TRHDE: variants seen among roughly 807,000 people sequenced by gnomAD.
TRHDE encodes thyrotropin-releasing hormone-degrading ectoenzyme.
A neutral mutation model predicts 125.7 loss-of-function variants in TRHDE; 72 were observed. That is an observed-to-expected ratio of 0.57 (90% CI 0.47 to 0.70). The LOEUF is 0.70. Ranked by LOEUF, TRHDE falls within the 30% of genes least tolerant of loss-of-function variation. TRHDE has a pLI of 0.00. For missense variants in TRHDE, 1,110 were observed against 1,327.1 expected (o/e 0.84, Z 2.54); for synonymous variants, 509 against 509.1 (o/e 1.00, Z 0.00).
At chr12:72,543,573 T>C (rs1387443798) in intron 7 of TRHDE, among the ~76,000 whole-genome samples, 1 of 151,312 alleles carries the variant, frequency 6.6e-6, no homozygotes, top group Non-Finnish European at 1.5e-5. Context: ...TTTATCCCCA[T>C]TCCTTTGTTT....
intron 2 of TRHDE, among the ~76,000 whole-genome samples, chr12:72,184,959 C>A (rs554787704): frequency 6.6e-5 from 10 of 152,062 alleles, no homozygotes; most frequent in Admixed American, 2.6e-4. Context: ...GCCCTTCAGC[C>A]CCCCCACTGC....
chr12:72,619,336 T>C (rs1180216572), intron 13 of TRHDE, among the ~76,000 whole-genome samples: 1 of 152,202 alleles, frequency 6.6e-6, no homozygotes, highest in Non-Finnish European at 1.5e-5. Flanking sequence ...GAGGGCTCTG[T>C]GTTCACAAAG....
At position 72,670,445 on chromosome 12, in the gene TRHDE, A is replaced by G. The variant is rs1257604563; in HGVS notation, c.*7250A>G. 2.6e-5 allele frequency: 4 copies of G among 151,738 alleles called. No homozygotes were observed. Among genetic ancestry groups the G allele is most frequent in the Admixed American group, 1.3e-4 (2 of 15,188 alleles). The allele number at this position is 151,738 out of a possible 1,614,324, so 9.4% of individuals were successfully genotyped here. On this transcript the variant is annotated 3_prime_UTR_variant, in exon 19 of 19. Transcript: ENST00000261180. Reference sequence around the variant, plus strand: ...AAAAATATGAATTCTGCCTCTGATAATCAAATTTTGTACAGCAATGTGTAA... The same window carrying G: ...AAAAATATGAATTCTGCCTCTGATAGTCAAATTTTGTACAGCAATGTGTAA...
intron 15 of TRHDE, among the ~76,000 whole-genome samples, chr12:72,629,423 T>G (rs544427433): frequency 1.3e-5 from 2 of 151,838 alleles, no homozygotes; most frequent in South Asian, 2.1e-4. Flanking sequence ...TAGTATTGTT[T>G]GCCTAAAATT....
intron 1 of TRHDE, among the ~76,000 whole-genome samples, chr12:72,100,882 C>T (rs1303035447): frequency 1.3e-5 from 2 of 152,162 alleles, no homozygotes; most frequent in Non-Finnish European, 2.9e-5. Flanking sequence ...TTAACAAGAT[C>T]CCTCATACTT....
chr12:72,373,790 T>C (rs1033185333), intron 2 of TRHDE, among the ~76,000 whole-genome samples: 2 of 152,070 alleles, frequency 1.3e-5, no homozygotes, highest in African/African-American at 4.8e-5. Flanking sequence ...AAAAGGAAGC[T>C]AGTGTTATGA....
chr12:72,149,122 A>G (rs1303516682), intron 2 of TRHDE, among the ~76,000 whole-genome samples: 4 of 152,070 alleles, frequency 2.6e-5, no homozygotes, highest in Non-Finnish European at 4.4e-5. Context: ...TGAAAATTGC[A>G]AAACAAACAG....
intron 3 of TRHDE, among the ~76,000 whole-genome samples, chr12:72,469,546 G>C (rs780522999): frequency 1.3e-5 from 2 of 152,162 alleles, no homozygotes; most frequent in Non-Finnish European, 2.9e-5. Context: ...GCTTGAAAAT[G>C]AACTGTGATG....
At chr12:72,392,849 TTAAAA>T (rs1252098980) in intron 3 of TRHDE, among the ~76,000 whole-genome samples, 1 of 152,178 alleles carries the variant, frequency 6.6e-6, no homozygotes, top group African/African-American at 2.4e-5. Flanking sequence ...ACTGGCACAT[TTAAAA>T]TAACTAGTAC....
chr12:72,654,888 G>A (rs1030997514), intron 17 of TRHDE, among the ~76,000 whole-genome samples: 4 of 151,954 alleles, frequency 2.6e-5, no homozygotes, highest in African/African-American at 4.8e-5. Context: ...ACACACTTTA[G>A]CCTCTTCCCT....
chr12:72,188,042 G>A (rs1337101086), intron 2 of TRHDE, among the ~76,000 whole-genome samples: 2 of 152,176 alleles, frequency 1.3e-5, no homozygotes, highest in Admixed American at 1.3e-4. Context: ...AAGGACATAT[G>A]TGTTAATGTT....
chr12:72,188,190 A>G (rs1877266396), intron 2 of TRHDE, among the ~76,000 whole-genome samples: 1 of 152,234 alleles, frequency 6.6e-6, no homozygotes, highest in African/African-American at 2.4e-5. Context: ...GAGATGGAGC[A>G]AATTAAAGTT....
chr12:72,316,032 A>C (rs748225075), intron 2 of TRHDE, among the ~76,000 whole-genome samples: 8 of 152,116 alleles, frequency 5.3e-5, no homozygotes, highest in Non-Finnish European at 7.4e-5. Context: ...GCAAATTTTC[A>C]TAGATTCAGA....
At chr12:72,397,798 C>A (rs1473176032) in intron 3 of TRHDE, among the ~76,000 whole-genome samples, 3 of 151,956 alleles carry the variant, frequency 2.0e-5, no homozygotes, top group Admixed American at 6.6e-5. Context: ...CCATTAGAAC[C>A]TTTTTGGCAT....
At chr12:72,306,080 G>C (rs1158309151) in intron 2 of TRHDE, among the ~76,000 whole-genome samples, 1 of 152,124 alleles carries the variant, frequency 6.6e-6, no homozygotes, top group Non-Finnish European at 1.5e-5. Flanking sequence ...TTTCCCCTCT[G>C]CTGCCTTATG....
rs186076118 is a variant in TRHDE, at chr12:72,667,681, C to A, written c.*4486C>A. On this transcript the variant is annotated 3_prime_UTR_variant, in exon 19 of 19. Coordinates refer to ENST00000261180, the MANE Select transcript of TRHDE (RefSeq NM_013381.3). ...ATACAACTATTTTTGTACACTAGTT[C>A]TCAAAACATTTATGATACCTAGTAT... The A allele has an allele frequency of 2.0e-5, 3 of 151,660 alleles. No homozygotes were observed. In the Admixed American group the frequency reaches 2.0e-4, roughly 10 times the overall value. 9.4% of individuals were successfully genotyped at this position (151,660 alleles called of 1,614,324 possible).
intron 2 of TRHDE, among the ~76,000 whole-genome samples, chr12:72,357,089 A>G (rs1240879372): frequency 6.6e-6 from 1 of 151,514 alleles, no homozygotes; most frequent in African/African-American, 2.4e-5. Flanking sequence ...CCAGGTTTAA[A>G]TAAAGCAACC....
intron 2 of TRHDE, among the ~76,000 whole-genome samples, chr12:72,364,652 T>C (rs938190129): frequency 2.0e-5 from 3 of 152,044 alleles, no homozygotes; most frequent in African/African-American, 4.8e-5. Context: ...TATTAAAATA[T>C]ACAAGAGAGA....
intron 15 of TRHDE, among the ~76,000 whole-genome samples, chr12:72,637,439 C>G (rs1254651979): frequency 6.6e-6 from 1 of 151,742 alleles, no homozygotes; most frequent in African/African-American, 2.4e-5. Context: ...TTTTGTTGAT[C>G]CTTTCAAAAA....
Sources: gnomAD v4.1 joint callset for allele counts (sites outside exome capture counted in the v4.1 genomes callset) on GRCh38, gnomAD v4.1.1 for gene constraint, MANE v1.5 for transcripts, NCBI Gene and HGNC (gene_info 2026-07-23, HGNC 2026-07-21) for gene names.